PCCA: variants seen among roughly 807,000 people sequenced by gnomAD.
PCCA encodes the protein propionyl-CoA carboxylase alpha chain, mitochondrial.
A neutral mutation model predicts 101.3 loss-of-function variants in PCCA; 74 were observed. That is an observed-to-expected ratio of 0.73 (90% confidence interval 0.61 to 0.89). The LOEUF (loss-of-function observed/expected upper bound fraction) is 0.89, where lower values mean the gene tolerates loss of function less well. Ranked by LOEUF, PCCA falls within the 40% of genes least tolerant of loss-of-function variation. The pLI, the probability that PCCA is intolerant of heterozygous loss-of-function variation, is 0.00. For synonymous variants in PCCA, 294 were observed against 313.6 expected (o/e 0.94, Z 0.66); for missense variants, 891 against 907.0 (o/e 0.98, Z 0.23).
intron 4 of PCCA, among the ~76,000 whole-genome samples, chr13:100,120,177 C>CT (rs11289175): frequency 0.029 from 3,860 of 131,002 alleles, 175 homozygotes; most frequent in African/African-American, 0.098. Flanking sequence ...TTTCAGATTA[C>CT]TTTTTTTTTT....
At chr13:100,105,065 A>G (rs566147251) in intron 2 of PCCA, among the ~76,000 whole-genome samples, 362 of 152,296 alleles carry the variant, frequency 2.4e-3, no homozygotes, top group African/African-American at 8.2e-3. Flanking sequence ...ATAATATCTC[A>G]ATATCTAAAA....
At chr13:100,392,605 C>A (rs1010355644) in intron 19 of PCCA, among the ~76,000 whole-genome samples, 1 of 152,124 alleles carries the variant, frequency 6.6e-6, no homozygotes, top group African/African-American at 2.4e-5. Flanking sequence ...GAAATTTAAT[C>A]TCTTCTATAA....
chr13:100,348,787 T>TCTTCCTTC (rs142274622), intron 18 of PCCA, among the ~76,000 whole-genome samples: 576 of 46,638 alleles, frequency 0.012, 31 homozygotes, highest in East Asian at 0.033. Context: ...TTTCTTTCTT[T>TCTTCCTTC]CTTCCTTCCT....
At chr13:100,196,628 A>T (rs935808686) in intron 6 of PCCA, among the ~76,000 whole-genome samples, 2 of 152,204 alleles carry the variant, frequency 1.3e-5, no homozygotes, top group African/African-American at 4.8e-5. Flanking sequence ...ACAGAAAGAC[A>T]CAGGTTCCTT....
At position 100,249,764 on chromosome 13, in the gene PCCA, GT is replaced by G. The variant is rs559338630; in HGVS notation, c.638-7827del. On this transcript the variant is annotated intron_variant, in intron 8 of 23. Coordinates refer to ENST00000376285, the MANE Select transcript of PCCA (RefSeq NM_000282.4). ...CCATTTCTTTCGTCAGAGTTTTGTA[GT>G]TTTCCTCATAGATACACTGTATGTA... Among the ~76,000 whole-genome samples, 11 of 152,212 alleles carry G rather than the reference GT, an allele frequency of 7.2e-5. No homozygotes were observed. In the East Asian group the frequency reaches 2.1e-3, roughly 29 times the overall value.
intron 21 of PCCA, among the ~76,000 whole-genome samples, chr13:100,514,255 C>T (rs564805520): frequency 1.3e-4 from 20 of 152,288 alleles, no homozygotes; most frequent in African/African-American, 3.1e-4. Context: ...CACAGTGTCG[C>T]AAATCCACTT....
intron 19 of PCCA, among the ~76,000 whole-genome samples, chr13:100,413,932 G>T (rs1197138795): frequency 6.6e-6 from 1 of 152,082 alleles, no homozygotes; most frequent in Non-Finnish European, 1.5e-5. Context: ...CAATCCAAAA[G>T]AAACTACTAC....
intron 9 of PCCA, among the ~76,000 whole-genome samples, chr13:100,260,082 AG>A (rs1028887103): frequency 1.8e-4 from 27 of 152,158 alleles, no homozygotes; most frequent in African/African-American, 6.5e-4. Context: ...CAAACTGTAA[AG>A]TGCTATATTT....
chr13:100,158,902 A>G (rs184975143), intron 6 of PCCA, among the ~76,000 whole-genome samples: 38 of 152,006 alleles, frequency 2.5e-4, no homozygotes, highest in Admixed American at 1.3e-3. Context: ...CCTTTATACA[A>G]AAAGTTTGGG....
intron 10 of PCCA, among the ~76,000 whole-genome samples, chr13:100,263,825 ATATG>A (rs67015199): frequency 0.44 from 65,413 of 148,722 alleles, 14,671 homozygotes; most frequent in Middle Eastern, 0.54. Context: ...TATATCATAT[ATATG>A]GTATCTGTAT....
chr13:100,352,370 C>T (rs1394315234), intron 18 of PCCA, among the ~76,000 whole-genome samples: 1 of 149,512 alleles, frequency 6.7e-6, no homozygotes, highest in Non-Finnish European at 1.5e-5. Context: ...TATTTTATTA[C>T]TAATAATGCT....
rs541637392 is a variant in PCCA, at chr13:100,173,403, A to G, written c.468+16063A>G. On this transcript the variant is annotated intron_variant, in intron 6 of 23. Coordinates refer to ENST00000376285, the MANE Select transcript of PCCA (RefSeq NM_000282.4). ...GCATTTGGTAGAGATTCAAAACAGC[A>G]ACCAGGGATGACGAGCTGCAGACAT... 1.9e-4 allele frequency among the ~76,000 whole-genome samples: 29 copies of G among 152,326 alleles called. 2 individuals carry two copies. In the South Asian group the frequency reaches 5.8e-3, roughly 30 times the overall value.
intron 21 of PCCA, among the ~76,000 whole-genome samples, chr13:100,475,448 ACTGGTATC>A (rs2083344866): frequency 6.6e-6 from 1 of 152,068 alleles, no homozygotes; most frequent in African/African-American, 2.4e-5. Flanking sequence ...TCACTTACAT[ACTGGTATC>A]CACATTGTAG....
intron 2 of PCCA, among the ~76,000 whole-genome samples, chr13:100,108,341 G>C (rs2047997943): frequency 6.6e-6 from 1 of 152,110 alleles, no homozygotes; most frequent in African/African-American, 2.4e-5. Flanking sequence ...AAGGATCCAG[G>C]ATCCTAATTT....
chr13:100,385,859 G>A (rs1294173526), intron 19 of PCCA, among the ~76,000 whole-genome samples: 2 of 152,174 alleles, frequency 1.3e-5, no homozygotes, highest in African/African-American at 4.8e-5. Context: ...CAATCCACCT[G>A]CCTTGGCCTT....
chr13:100,125,686 T>C (rs1267294466), intron 4 of PCCA, among the ~76,000 whole-genome samples: 4 of 152,258 alleles, frequency 2.6e-5, no homozygotes, highest in African/African-American at 9.6e-5. Flanking sequence ...TTAAGATGTG[T>C]AGACATTTCT....
chr13:100,351,233 G>T (rs1163575071), intron 18 of PCCA, among the ~76,000 whole-genome samples: 3 of 152,094 alleles, frequency 2.0e-5, no homozygotes, highest in Non-Finnish European at 4.4e-5. Flanking sequence ...TAGCTGATCT[G>T]TGTAAGGCAA....
At chr13:100,282,401 G>A (rs2064199758) in intron 12 of PCCA, among the ~76,000 whole-genome samples, 1 of 152,188 alleles carries the variant, frequency 6.6e-6, no homozygotes, top group Admixed American at 6.5e-5. Context: ...TTCTGGGCTG[G>A]CCAAGGCCAG....
intron 19 of PCCA, among the ~76,000 whole-genome samples, chr13:100,412,589 G>A (rs961880939): frequency 2.0e-5 from 3 of 152,154 alleles, no homozygotes; most frequent in South Asian, 2.1e-4. Flanking sequence ...AGGTCATGGC[G>A]GTGGCTTACA....
Sources: gnomAD v4.1 joint callset for allele counts (sites outside exome capture counted in the v4.1 genomes callset) on GRCh38, gnomAD v4.1.1 for gene constraint, MANE v1.5 for transcripts, NCBI Gene and HGNC (gene_info 2026-07-23, HGNC 2026-07-21) for gene names.